UTRN: variants seen among roughly 807,000 people sequenced by gnomAD.
UTRN encodes the protein dystrophin-related protein 1.
UTRN carries 283 observed loss-of-function variants against 463.9 expected under a neutral mutation model. The ratio of observed to expected loss-of-function variants is 0.61; its 90% CI spans 0.55 to 0.67. UTRN has a LOEUF of 0.67. UTRN is among the 30% of genes least tolerant of loss of function. The probability of loss-of-function intolerance (pLI) is 0.00; values close to 1 mark genes in which losing one functional copy is unlikely to be tolerated. For missense variants in UTRN, 3,922 were observed against 4,084.3 expected, an observed-to-expected ratio of 0.96 and a Z score of 1.08; for synonymous variants, 1,442 against 1,431.5, an observed-to-expected ratio of 1.01 and a Z score of -0.17.
chr6:144,306,540 T>C (rs1805756321), intron 2 of UTRN, among the ~76,000 whole-genome samples: 1 of 152,110 alleles, frequency 6.6e-6, no homozygotes. Context: ...ATGAAGCCTT[T>C]CTTTCTAGGT....
Position 144,293,739 on chromosome 6 carries a change from A to G in UTRN, c.79+1832A>G, listed in dbSNP as rs191592837. On this transcript the variant is annotated intron_variant, in intron 2 of 74. Transcript: ENST00000367545. The stretch of plus-strand genomic sequence containing the variant: ...TCACAAAAGGATGTTATGGTCAAAT[A>G]GCTTTAGGAAATAGTTGTTTAAACC... Among the ~76,000 whole-genome samples the G allele has an allele frequency of 4.1e-4, 62 of 152,284 alleles. 1 individual carries two copies. The East Asian group carries it at 6.2e-3, about 15-fold the overall frequency.
rs373207039 is a variant in UTRN at position 144,849,623 on chromosome 6, A to AT, written c.10294-1360dup. Among the ~76,000 whole-genome samples, 1,082 of 150,548 alleles carry AT rather than the reference A, an allele frequency of 7.2e-3. 19 individuals carry two copies. Among genetic ancestry groups the AT allele is most frequent in the African/African-American group, 0.023 (954 of 40,902 alleles). On this transcript the variant is annotated intron_variant, in intron 74 of 74. Coordinates refer to ENST00000367545, the MANE Select transcript of UTRN (RefSeq NM_007124.3). ...TTTTTCCTGCTCTTCTCTTTTCTTC[A>AT]TTTTTTCATGTCTTGGGTCGAATGG...
At chr6:144,613,815 A>T (rs756905670) in intron 51 of UTRN, among the ~76,000 whole-genome samples, 3 of 152,114 alleles carry the variant, frequency 2.0e-5, no homozygotes, top group Non-Finnish European at 4.4e-5. Flanking sequence ...TGAGGAAGGA[A>T]CTTATAAAAA....
intron 61 of UTRN, among the ~76,000 whole-genome samples, chr6:144,786,652 C>T (rs1035917708): frequency 6.6e-5 from 10 of 152,100 alleles, no homozygotes; most frequent in African/African-American, 2.4e-4. Context: ...CTCTGTGATA[C>T]TCTATGTTCT....
At chr6:144,471,395 A>G (rs1011560660) in intron 23 of UTRN, among the ~76,000 whole-genome samples, 1 of 152,220 alleles carries the variant, frequency 6.6e-6, no homozygotes, top group Admixed American at 6.5e-5. Flanking sequence ...AGTTTTCCTT[A>G]TTCAAACTAG....
intron 2 of UTRN, among the ~76,000 whole-genome samples, chr6:144,315,453 A>G (rs749046029): frequency 1.3e-5 from 2 of 152,060 alleles, no homozygotes; most frequent in Non-Finnish European, 2.9e-5. Context: ...GGAAGGGGGA[A>G]TTGGCTACTG....
intron 51 of UTRN, among the ~76,000 whole-genome samples, chr6:144,644,067 AT>A (rs1202589393): frequency 6.6e-6 from 1 of 152,228 alleles, no homozygotes; most frequent in African/African-American, 2.4e-5. Context: ...GCAGGGAAAT[AT>A]ATGAATAAGA....
intron 72 of UTRN, among the ~76,000 whole-genome samples, 170 bp from the exon 73 acceptor site, chr6:144,840,570 A>C (rs1586788673): frequency 6.6e-6 from 1 of 152,328 alleles, no homozygotes; most frequent in Middle Eastern, 3.4e-3. Context: ...ACCAACACTC[A>C]AGCAAAAATG....
At chr6:144,842,926 G>T (rs1781714253) in intron 73 of UTRN, among the ~76,000 whole-genome samples, 1 of 151,790 alleles carries the variant, frequency 6.6e-6, no homozygotes, top group Admixed American at 6.6e-5. Flanking sequence ...CATGCTACCA[G>T]ATTGTTGCTT....
intron 74 of UTRN, 121 bp from the exon 75 acceptor site, chr6:144,850,868 A>C (rs897574580): frequency 2.9e-6 from 4 of 1,379,690 alleles, no homozygotes; most frequent in Non-Finnish European, 4.1e-6. Context: ...AGGAAGCAAA[A>C]GTCACAGTAG....
chr6:144,368,537 C>T (rs980690511), intron 2 of UTRN, among the ~76,000 whole-genome samples: 20 of 151,886 alleles, frequency 1.3e-4, no homozygotes, highest in African/African-American at 3.6e-4. Context: ...TTTGGGAGGC[C>T]GAGGTAGGCG....
At position 144,328,718 on chromosome 6, in the gene UTRN, G is replaced by T. The variant is rs12662696; in HGVS notation, c.79+36811G>T. Among the ~76,000 whole-genome samples the T allele has an allele frequency of 8.4e-3, 1,284 of 152,136 alleles. 83 individuals are homozygous for T. In the East Asian group the frequency reaches 0.17, roughly 20 times the overall value. On this transcript the variant is annotated intron_variant, in intron 2 of 74. Coordinates refer to ENST00000367545, the MANE Select transcript of UTRN (RefSeq NM_007124.3). Reference sequence around the variant, plus strand: ...GATAGTGATCTGTTAATAGATCAGGGTTTTTATTCTTTATCTTCATCCCCC... The same window carrying T: ...GATAGTGATCTGTTAATAGATCAGGTTTTTTATTCTTTATCTTCATCCCCC...
rs764111222 is a variant in UTRN, at chr6:144,793,875, C to A, written c.8962C>A (p.Gln2988Lys). The change falls in exon 63 of 75, where the codon CAG (glutamine) becomes AAG (lysine). Residue 2988 changes from glutamine to lysine, a missense_variant. Physicochemically the swap from Gln to Lys is moderately conservative, Grantham distance 53 (BLOSUM62 1). Coordinates refer to ENST00000367545, the MANE Select transcript of UTRN (RefSeq NM_007124.3). ...EVAGPTEMCD[Q>K]RQLGLLLHDA... Reference sequence around the variant, plus strand: ...TGCAGGGCCAACAGAAATGTGTGACCAGAGGCAGCTGGGCCTGTTACTTCA... The same window carrying A: ...TGCAGGGCCAACAGAAATGTGTGACAAGAGGCAGCTGGGCCTGTTACTTCA... 6.8e-6 allele frequency: 11 copies of A among 1,613,938 alleles called. No homozygotes were observed. In the Admixed American group the frequency reaches 1.2e-4, roughly 17 times the overall value.
intron 41 of UTRN, among the ~76,000 whole-genome samples, chr6:144,526,234 T>C (rs1047520144): frequency 5.9e-5 from 9 of 152,220 alleles, no homozygotes; most frequent in African/African-American, 2.2e-4. Flanking sequence ...CCATTGTTTC[T>C]TTGTCGACTT....
chr6:144,838,263 C>T (rs545270892), intron 71 of UTRN, among the ~76,000 whole-genome samples: 146 of 152,288 alleles, frequency 9.6e-4, no homozygotes, highest in Non-Finnish European at 1.7e-3. Flanking sequence ...TTGAGAATCA[C>T]ATAGCAATGC....
intron 2 of UTRN, among the ~76,000 whole-genome samples, chr6:144,399,294 A>G (rs1396979226): frequency 1.3e-5 from 2 of 152,226 alleles, no homozygotes; most frequent in Non-Finnish European, 2.9e-5. Flanking sequence ...ACAAGAGAGC[A>G]TAATGGCATA....
At chr6:144,589,453 G>C (rs1228505764) in intron 51 of UTRN, among the ~76,000 whole-genome samples, 1 of 152,166 alleles carries the variant, frequency 6.6e-6, no homozygotes, top group East Asian at 1.9e-4. Flanking sequence ...CATGCCAGTA[G>C]TTAGTTGCTC....
intron 25 of UTRN, among the ~76,000 whole-genome samples, chr6:144,475,717 G>A (rs1791124626): frequency 1.3e-5 from 2 of 152,054 alleles, no homozygotes; most frequent in African/African-American, 2.4e-5. Context: ...CTGGGCTCAA[G>A]CAGTCCTCCT....
intron 52 of UTRN, among the ~76,000 whole-genome samples, chr6:144,699,473 GTTTTTTTTTT>G (rs71024902): frequency 3.7e-4 from 25 of 67,614 alleles, no homozygotes; most frequent in Admixed American, 8.8e-4. Context: ...TTAGTCAGTG[GTTTTTTTTTT>G]TTTTTTTTTT....
Sources: gnomAD v4.1 joint callset for allele counts (sites outside exome capture counted in the v4.1 genomes callset) on GRCh38, gnomAD v4.1.1 for gene constraint, MANE v1.5 for transcripts, NCBI Gene and HGNC (gene_info 2026-07-23, HGNC 2026-07-21) for gene names.